Variants in TMEM132B observed in about 807,000 individuals in gnomAD.
TMEM132B encodes transmembrane protein 132B.
Under a neutral mutation model 90.8 loss-of-function variants are expected in TMEM132B, and 18 were observed. That is an observed-to-expected ratio of 0.20 (90% CI 0.14 to 0.29). The LOEUF (loss-of-function observed/expected upper bound fraction) is 0.29. Ranked by LOEUF, TMEM132B falls within the 10% of genes least tolerant of loss-of-function variation. TMEM132B has a pLI of 1.00. For missense variants in TMEM132B, 1,096 were observed against 1,326.8 expected, an observed-to-expected ratio of 0.83 and a Z score of 2.70; for synonymous variants, 504 against 523.3, an observed-to-expected ratio of 0.96 and a Z score of 0.50.
rs1885340516 is a variant in TMEM132B, at chr12:125,592,583, G to A, written c.1437+8589G>A. On this transcript the variant is annotated intron_variant, in intron 5 of 8. Coordinates refer to ENST00000682704, the MANE Select transcript of TMEM132B (RefSeq NM_001366854.1). The stretch of plus-strand genomic sequence containing the variant: ...TGCTGTTTGCTGAGCAGTGTGTGGG[G>A]AGCTGGTCACTAGATAAAGCCTGAT... 2.0e-5 allele frequency among the ~76,000 whole-genome samples: 3 copies of A among 152,186 alleles called. 1 individual carries two copies. Among genetic ancestry groups the A allele is most frequent in the African/African-American group, 7.2e-5 (3 of 41,438 alleles).
intron 4 of TMEM132B, among the ~76,000 whole-genome samples, chr12:125,558,769 A>T (rs1263727816): frequency 1.3e-5 from 2 of 152,222 alleles, no homozygotes; most frequent in African/African-American, 4.8e-5. Context: ...TAATTAAGCT[A>T]TCAATTGATC....
At chr12:125,241,908 C>T (rs1376622414) in intron 1 of TMEM132B, among the ~76,000 whole-genome samples, 1 of 152,170 alleles carries the variant, frequency 6.6e-6, no homozygotes, top group Admixed American at 6.5e-5. Flanking sequence ...AGGTCTCCTT[C>T]CTGCAAATGA....
At chr12:125,591,252 G>A (rs1466053546) in intron 5 of TMEM132B, among the ~76,000 whole-genome samples, 1 of 152,032 alleles carries the variant, frequency 6.6e-6, no homozygotes, top group Non-Finnish European at 1.5e-5. Context: ...AGGTCAGTAC[G>A]GCTGCATTCC....
At chr12:125,302,144 G>A (rs921748272) in intron 1 of TMEM132B, among the ~76,000 whole-genome samples, 1 of 152,124 alleles carries the variant, frequency 6.6e-6, no homozygotes, top group Non-Finnish European at 1.5e-5. Flanking sequence ...AGGTTGCAGT[G>A]AGCTGAGATT....
intron 2 of TMEM132B, among the ~76,000 whole-genome samples, chr12:125,361,846 C>T (rs1877969077): frequency 6.6e-6 from 1 of 152,202 alleles, no homozygotes; most frequent in Non-Finnish European, 1.5e-5. Flanking sequence ...GTGTAAATTT[C>T]AGATGCTTGA....
chr12:125,544,082 G>A (rs546469272), intron 4 of TMEM132B, among the ~76,000 whole-genome samples: 13 of 152,130 alleles, frequency 8.5e-5, no homozygotes, highest in African/African-American at 2.7e-4. Flanking sequence ...TATTATCCTC[G>A]GCAAACTAAC....
intron 2 of TMEM132B, among the ~76,000 whole-genome samples, chr12:125,398,344 A>G (rs1879222271): frequency 6.6e-6 from 1 of 152,240 alleles, no homozygotes; most frequent in South Asian, 2.1e-4. Context: ...CATTGCCTGT[A>G]GGGACCAGGC....
At chr12:125,342,603 G>C (rs1164342481) in intron 1 of TMEM132B, among the ~76,000 whole-genome samples, 1 of 152,154 alleles carries the variant, frequency 6.6e-6, no homozygotes, top group Non-Finnish European at 1.5e-5. Context: ...CTTCCATTTT[G>C]TTCTGTGTCT....
chr12:125,314,087 G>A (rs1434392775), intron 1 of TMEM132B, among the ~76,000 whole-genome samples: 1 of 152,096 alleles, frequency 6.6e-6, no homozygotes, highest in Non-Finnish European at 1.5e-5. Context: ...TGGGCGGCGT[G>A]CGAACTCATG....
chr12:125,339,593 C>T (rs534842242), intron 1 of TMEM132B, among the ~76,000 whole-genome samples: 1 of 152,346 alleles, frequency 6.6e-6, no homozygotes, highest in South Asian at 2.1e-4. Flanking sequence ...CCCAGTAGCT[C>T]TTCAAAAAGG....
intron 1 of TMEM132B, among the ~76,000 whole-genome samples, chr12:125,195,394 G>GGT (rs1872901551): frequency 1.1e-5 from 1 of 89,906 alleles, no homozygotes; most frequent in Non-Finnish European, 2.1e-5. Flanking sequence ...GGGTTTGCGG[G>GGT]TTTTTTTTTT....
chr12:125,349,354 T>C lies in TMEM132B; in HGVS notation c.68-98T>C. ...GACCTGGGGGAGAAACAGTGGCCAG[T>C]GGGCGGTTTGTTGGGGAGGTGGGTG... On this transcript the variant is annotated intron_variant, in intron 1 of 8. Coordinates refer to ENST00000682704, the MANE Select transcript of TMEM132B (RefSeq NM_001366854.1). This position sits in a 1 kb window ranked among gnomAD's most constrained non-coding sequence, Gnocchi z 4.1. 1 of 1,347,684 alleles carries C rather than the reference T, an allele frequency of 7.4e-7. No homozygotes were observed. Among genetic ancestry groups the C allele is most frequent in the Non-Finnish European group, 1.0e-6 (1 of 986,416 alleles). The allele number at this position is 1,347,684 out of a possible 1,614,324, so 83.5% of individuals were successfully genotyped here.
At chr12:125,264,899 T>C (rs1874651103) in intron 1 of TMEM132B, among the ~76,000 whole-genome samples, 1 of 152,248 alleles carries the variant, frequency 6.6e-6, no homozygotes, top group Non-Finnish European at 1.5e-5. Context: ...TTCATTGAAC[T>C]ATAATACATA....
chr12:125,485,396 A>G, intron 3 of TMEM132B, among the ~76,000 whole-genome samples: 1 of 152,180 alleles, frequency 6.6e-6, no homozygotes, highest in East Asian at 1.9e-4. Flanking sequence ...TGCCAGCAGC[A>G]TTAATTACTG....
chr12:125,515,539 T>TCA (rs560956277), intron 3 of TMEM132B, among the ~76,000 whole-genome samples: 2 of 147,092 alleles, frequency 1.4e-5, no homozygotes, highest in Non-Finnish European at 3.0e-5. Context: ...ATTCTCACGC[T>TCA]CACACACATT....
chr12:125,326,823 C>A, intron 1 of TMEM132B: 1 of 770,966 alleles, frequency 1.3e-6, no homozygotes, highest in Non-Finnish European at 2.0e-6. Flanking sequence ...TTCCTCTTGT[C>A]CTGCTCACTC....
intron 5 of TMEM132B, among the ~76,000 whole-genome samples, chr12:125,599,780 T>C (rs974019983): frequency 3.3e-5 from 5 of 152,220 alleles, no homozygotes; most frequent in Non-Finnish European, 7.3e-5. Flanking sequence ...CTGGGCCTTT[T>C]TTTCAGAATT....
At chr12:125,623,721 C>T (rs1199062931) in intron 5 of TMEM132B, among the ~76,000 whole-genome samples, 1 of 152,202 alleles carries the variant, frequency 6.6e-6, no homozygotes, top group Non-Finnish European at 1.5e-5. Flanking sequence ...ATGAGTCAGT[C>T]TCCTTCACTT....
Position 125,273,894 on chromosome 12 carries a change from C to T in TMEM132B, c.68-75558C>T, listed in dbSNP as rs759378058. On this transcript the variant is annotated intron_variant, in intron 1 of 8. Transcript: ENST00000682704. ...GGTCAGTCTGGTCTTGAACTTCTGACCTCAGGTGATCCACCCACCTTGGCC... is the reference window on the plus strand; with the variant it reads ...GGTCAGTCTGGTCTTGAACTTCTGATCTCAGGTGATCCACCCACCTTGGCC... Among the ~76,000 whole-genome samples the T allele has an allele frequency of 2.1e-4, 32 of 152,240 alleles. No homozygotes were observed. The Middle Eastern group carries it at 0.01, about 49-fold the overall frequency.
Sources: gnomAD v4.1 joint callset for allele counts (sites outside exome capture counted in the v4.1 genomes callset) on GRCh38, gnomAD v4.1.1 for gene constraint, Gnocchi (gnomAD v3.1) non-coding constraint, MANE v1.5 for transcripts, NCBI Gene and HGNC (gene_info 2026-07-23, HGNC 2026-07-21) for gene names.